Variants in CCR3 observed in about 807,000 individuals in gnomAD.
CCR3 encodes C-C chemokine receptor type 3.
For synonymous variants in CCR3, 203 were observed against 179.2 expected (o/e 1.13, Z -1.06); for missense variants, 419 against 437.5 (o/e 0.96, Z 0.38).
At chr3:46,263,277 C>T (rs1700560323) in intron 1 of CCR3, 1 of 153,484 alleles carries the variant, frequency 6.5e-6, no homozygotes. Context: ...GGCTACTATA[C>T]CTTTGTTCTC....
intron 1 of CCR3, among the ~76,000 whole-genome samples, chr3:46,243,030 T>TATATACACAC: frequency 8.5e-6 from 1 of 117,470 alleles, no homozygotes; most frequent in South Asian, 2.4e-4. Flanking sequence ...TTTTTATATA[T>TATATACACAC]ACAAAGTCCT....
intron 2 of CCR3, among the ~76,000 whole-genome samples, chr3:46,218,782 T>C (rs1699803255): frequency 6.6e-6 from 1 of 152,152 alleles, no homozygotes; most frequent in Non-Finnish European, 1.5e-5. Flanking sequence ...CCAGTTTCCA[T>C]TTATGATTAA....
chr3:46,218,760 AT>A (rs1699803024), intron 2 of CCR3, among the ~76,000 whole-genome samples: 1 of 152,180 alleles, frequency 6.6e-6, no homozygotes, highest in African/African-American at 2.4e-5. Flanking sequence ...CAGAAAAAGT[AT>A]TTGACAAAAT....
intron 2 of CCR3, among the ~76,000 whole-genome samples, chr3:46,211,244 G>C (rs1699709963): frequency 1.3e-5 from 2 of 149,238 alleles, no homozygotes; most frequent in South Asian, 2.1e-4. Flanking sequence ...TGTCGCCCAG[G>C]CTGGGGTGCA....
At chr3:46,226,751 C>T (rs1290946296) in intron 2 of CCR3, among the ~76,000 whole-genome samples, 1 of 152,074 alleles carries the variant, frequency 6.6e-6, no homozygotes, top group East Asian at 1.9e-4. Context: ...CATTCTTTCT[C>T]CATCAAGTAT....
chr3:46,234,318 T>C (rs1400919383), intron 2 of CCR3, among the ~76,000 whole-genome samples: 1 of 152,128 alleles, frequency 6.6e-6, no homozygotes, highest in Non-Finnish European at 1.5e-5. Flanking sequence ...TTGGGATGGA[T>C]TCATTGGTTT....
chr3:46,265,518 G>T lies in CCR3; in HGVS notation c.360G>T (p.Glu120Asp), dbSNP rs1207900923. ...SGFYHTGLYS[E>D]IFFIILLTID... Reference sequence around the variant, plus strand: ...TTTATCACACAGGCTTGTACAGCGAGATCTTTTTCATAATCCTGCTGACAA... The same window carrying T: ...TTTATCACACAGGCTTGTACAGCGATATCTTTTTCATAATCCTGCTGACAA... Residue 120 changes from glutamate (E) to aspartate (D), a missense_variant, in exon 2 of 2, where the codon GAG becomes GAT. Coordinates refer to ENST00000395940, the MANE Select transcript of CCR3 (RefSeq NM_178329.3). The T allele has an allele frequency of 6.2e-7, 1 of 1,614,036 alleles. No individual in the cohort carries two copies. Among genetic ancestry groups the T allele is most frequent in the Admixed American group, 1.7e-5 (1 of 60,000 alleles).
intron 2 of CCR3, among the ~76,000 whole-genome samples, chr3:46,235,663 G>A (rs1441664385): frequency 5.3e-5 from 8 of 152,164 alleles, no homozygotes; most frequent in South Asian, 4.1e-4. Context: ...TTCAAAAGGC[G>A]TTGAGGACCA....
In CCR3 at chr3:46,250,292, G is replaced by A. The variant is rs192288581; in HGVS notation, c.-12+7754G>A. On this transcript the variant is annotated intron_variant, in intron 1 of 1. Transcript: ENST00000395940. ...GAGGCGATAAAAAGATTACAGGGTG[G>A]AGGAGTGGAGGCTGAGGAAGAATTG... Among the ~76,000 whole-genome samples the A allele has an allele frequency of 1.2e-4, 18 of 152,250 alleles. No individual in the cohort carries two copies. The East Asian group carries it at 3.5e-3, about 29-fold the overall frequency.
chr3:46,228,661 C>A (rs1400460143), intron 2 of CCR3, among the ~76,000 whole-genome samples: 1 of 152,222 alleles, frequency 6.6e-6, no homozygotes, highest in Non-Finnish European at 1.5e-5. Flanking sequence ...ATGTTAACAG[C>A]ACAGGCTTAG....
chr3:46,233,692 C>T (rs942251289), intron 2 of CCR3, among the ~76,000 whole-genome samples: 1 of 152,130 alleles, frequency 6.6e-6, no homozygotes, highest in Non-Finnish European at 1.5e-5. Context: ...ATTTCTTTCC[C>T]GTGGTAGGAA....
At chr3:46,247,227 C>T (rs986210597) in intron 1 of CCR3, among the ~76,000 whole-genome samples, 3 of 151,964 alleles carry the variant, frequency 2.0e-5, no homozygotes, top group Non-Finnish European at 4.4e-5. Flanking sequence ...TAAACAAGAG[C>T]AGGGCATGTA....
chr3:46,211,623 T>G (rs943528945), intron 2 of CCR3, among the ~76,000 whole-genome samples: 5 of 152,152 alleles, frequency 3.3e-5, no homozygotes, highest in African/African-American at 1.2e-4. Flanking sequence ...ACACAAAATA[T>G]AAGGTGAAGA....
intron 1 of CCR3, among the ~76,000 whole-genome samples, chr3:46,257,978 A>T (rs529535490): frequency 6.6e-6 from 1 of 152,342 alleles, no homozygotes; most frequent in African/African-American, 2.4e-5. Context: ...ACAGAAGAAA[A>T]GTCTGTTCCA....
At chr3:46,241,895 G>A (rs556125377), upstream of CCR3, among the ~76,000 whole-genome samples, 3 of 152,230 alleles carry the variant, frequency 2.0e-5, no homozygotes, top group Admixed American at 6.5e-5. Context: ...GTCTTTAGGA[G>A]GCCGAGACTC....
At position 46,235,767 on chromosome 3, in the gene CCR3, A is replaced by G. The variant is rs1435893116; in HGVS notation, c.-67-6635A>G. On this transcript the variant is annotated intron_variant, in intron 2 of 3. Transcript: ENST00000357422. ...ACGAGCCCTCACCAGAGGACTGGCC[A>G]TAAAAGAGCAGGACTTCAGCAGCTC... 3.3e-5 allele frequency among the ~76,000 whole-genome samples: 5 copies of G among 152,376 alleles called. No individual in the cohort carries two copies. In the East Asian group the frequency reaches 5.8e-4, roughly 18 times the overall value.
upstream of CCR3, among the ~76,000 whole-genome samples, chr3:46,242,163 C>A (rs1326400627): frequency 6.6e-6 from 1 of 151,648 alleles, no homozygotes; most frequent in East Asian, 1.9e-4. Flanking sequence ...AACAACCCCC[C>A]ACCACTAAAA....
chr3:46,250,193 G>A (rs1209140084), intron 1 of CCR3, among the ~76,000 whole-genome samples: 1 of 152,078 alleles, frequency 6.6e-6, no homozygotes, highest in Non-Finnish European at 1.5e-5. Flanking sequence ...ACCTTTTTAA[G>A]AGTAAATTGC....
chr3:46,236,415 C>T (rs1384363360), intron 2 of CCR3, among the ~76,000 whole-genome samples: 1 of 152,262 alleles, frequency 6.6e-6, no homozygotes, highest in Non-Finnish European at 1.5e-5. Context: ...GCCCCATCGA[C>T]AGGCTCCCAG....
Sources: allele counts gnomAD v4.1 joint callset (sites outside exome capture counted in the v4.1 genomes callset), GRCh38; gene constraint gnomAD v4.1.1; transcripts MANE v1.5; gene names NCBI Gene and HGNC (gene_info 2026-07-23, HGNC 2026-07-21).